The following CHD2 variants were observed in gnomAD, a reference collection of about 807,000 sequenced individuals.
The protein encoded by CHD2 is ATP-dependent chromatin remodeler CHD2.
A neutral mutation model predicts 243.9 loss-of-function variants in CHD2; 28 were observed. The ratio of observed to expected loss-of-function variants is 0.11; its 90% confidence interval spans 0.09 to 0.16. The LOEUF is 0.16. CHD2 is among the 10% of genes least tolerant of loss of function. CHD2 has a pLI of 1.00. For synonymous variants in CHD2, 775 were observed against 779.0 expected (o/e 0.99, Z 0.09); for missense variants, 1,386 against 2,209.8 (o/e 0.63, Z 7.47).
Position 93,008,954 on chromosome 15 carries a change from C to A in CHD2, c.4414-191C>A, listed in dbSNP as rs559742466. Among the ~76,000 whole-genome samples the A allele has an allele frequency of 3.3e-5, 5 of 152,262 alleles. No homozygotes were observed. The South Asian group carries it at 6.2e-4, about 19-fold the overall frequency. Reference sequence around the variant, plus strand: ...TATCACATAACTCTAAGCGATGGTGCTGGCACTGCACTTCAGGGTTTTCTG... The same window carrying A: ...TATCACATAACTCTAAGCGATGGTGATGGCACTGCACTTCAGGGTTTTCTG... On this transcript the variant is annotated intron_variant, in intron 34 of 38. Transcript: ENST00000394196.
At position 92,991,532 on chromosome 15, in the gene CHD2, ATAG is replaced by A. The variant is rs1255577508; in HGVS notation, c.3455+17_3455+19del. On this transcript the variant is annotated intron_variant, in intron 27 of 38. Transcript: ENST00000394196. ...CCTCTTGAACGGTAAGTTCAGTGTAATAGTCCCTTATCTTCCTCTTTTTTGCTT... is the reference window on the plus strand; with the variant it reads ...CCTCTTGAACGGTAAGTTCAGTGTAATCCCTTATCTTCCTCTTTTTTGCTT... 1.9e-6 allele frequency: 3 copies of A among 1,584,110 alleles called. No homozygotes were observed. Among genetic ancestry groups the A allele is most frequent in the Non-Finnish European group, 8.6e-7 (1 of 1,163,068 alleles).
intron 16 of CHD2, among the ~76,000 whole-genome samples, chr15:92,961,947 T>C (rs12591615): frequency 0.065 from 9,230 of 142,038 alleles, 406 homozygotes; most frequent in South Asian, 0.12. Context: ...CAGGGTGCGA[T>C]CTCGGCTCAC....
chr15:92,993,069 C>T (rs753623343), intron 28 of CHD2, 71 bp downstream of exon 28: 12 of 1,555,818 alleles, frequency 7.7e-6, no homozygotes, highest in Admixed American at 1.7e-5. Flanking sequence ...TGCTAAAGGG[C>T]GTTTTAAGGA....
intron 24 of CHD2, 99 bp downstream of exon 24, chr15:92,981,556 C>T (rs1313104068): frequency 2.3e-6 from 2 of 870,756 alleles, no homozygotes; most frequent in East Asian, 5.3e-5. Context: ...CTGCTTTTCT[C>T]TTTACCTGAA....
Position 92,967,485 on chromosome 15 carries a change from A to T in CHD2, c.2161A>T (p.Met721Leu). ...AGTGGAACAGATTCTCAGGGTGGAG[A>T]TGTCAGCCCTTCAGAAACAGTATTA... ...AKVEQILRVE[M>L]SALQKQYYKW... is the part of the protein sequence containing the mutation. The change falls in exon 17 of 39, where the codon ATG becomes TTG. Residue 721 changes from methionine (M) to leucine (L), a missense_variant. Physicochemically the swap from Met to Leu is conservative, Grantham distance 15. Transcript: ENST00000394196. 1 of 1,613,808 alleles carries T rather than the reference A, an allele frequency of 6.2e-7. No individual in the cohort carries two copies.
At chr15:92,989,144 G>T (rs943904346) in intron 26 of CHD2, among the ~76,000 whole-genome samples, 3 of 147,788 alleles carry the variant, frequency 2.0e-5, no homozygotes, top group African/African-American at 7.5e-5. Context: ...TGATTCTCCT[G>T]CCTCAGCCTC....
intron 13 of CHD2, among the ~76,000 whole-genome samples, chr15:92,950,790 C>T (rs1030921900): frequency 5.3e-5 from 8 of 151,832 alleles, no homozygotes; most frequent in Non-Finnish European, 1.2e-4. Flanking sequence ...AATATTTTTC[C>T]CCTCATTGCT....
At position 92,997,321 on chromosome 15, in the gene CHD2, G is replaced by A. The variant is rs1410226460; in HGVS notation, c.3803G>A (p.Arg1268His). 2.5e-6 allele frequency: 4 copies of A among 1,613,628 alleles called. No homozygotes were observed. Among genetic ancestry groups the A allele is most frequent in the Admixed American group, 1.7e-5 (1 of 59,910 alleles). The change falls in exon 30 of 39, where the codon CGC becomes CAC. Residue 1268 changes from arginine (R) to histidine (H), a missense_variant. Physicochemically the swap from Arg to His is conservative, Grantham distance 29. Coordinates refer to ENST00000394196, the MANE Select transcript of CHD2 (RefSeq NM_001271.4). This position sits in a 1 kb window ranked among gnomAD's most constrained non-coding sequence, Gnocchi z 4.1. ...GAGTGGGGGGTGGAAGATGATTCTC[G>A]CCTGTTGCTGGGGATTTATGAACAT... Reference protein sequence around the residue: ...DVEWGVEDDSRLLLGIYEHGY... With the variant: ...DVEWGVEDDSHLLLGIYEHGY...
Position 92,906,817 on chromosome 15 carries a change from C to G in CHD2, c.62+5518C>G, listed in dbSNP as rs994721671. On this transcript the variant is annotated intron_variant, in intron 2 of 38. Coordinates refer to ENST00000394196, the MANE Select transcript of CHD2 (RefSeq NM_001271.4). ...AATTCCTCTAAGAGTATTTTGTGTA[C>G]AGGTGAAAGTAACTTTGTGGCTTGG... is the stretch of plus-strand genomic sequence containing the variant. Among the ~76,000 whole-genome samples the G allele has an allele frequency of 2.0e-5, 3 of 152,080 alleles. No homozygotes were observed. In the South Asian group the frequency reaches 6.2e-4, roughly 31 times the overall value.
rs368407025 is a variant in CHD2 at position 92,977,037 on chromosome 15, C to T, written c.2578-1197C>T. On this transcript the variant is annotated intron_variant, in intron 20 of 38. Coordinates refer to ENST00000394196, the MANE Select transcript of CHD2 (RefSeq NM_001271.4). ...TTTTCAACTTGATCATAGATGCAGA[C>T]GACATATTATAATCCACGTTATCCT... 1.6e-4 allele frequency among the ~76,000 whole-genome samples: 24 copies of T among 151,940 alleles called. 1 individual carries two copies. Among genetic ancestry groups the T allele is most frequent in the South Asian group, 8.3e-4 (4 of 4,808 alleles).
intron 2 of CHD2, chr15:92,904,693 T>G (rs956346843): frequency 2.2e-6 from 3 of 1,369,638 alleles, no homozygotes; most frequent in Middle Eastern, 2.3e-4. Flanking sequence ...TTTATAAATT[T>G]TAAAGGCACT....
chr15:92,936,355 A>G lies in CHD2; in HGVS notation c.444-1163A>G, dbSNP rs193081957. On this transcript the variant is annotated intron_variant, in intron 5 of 38. Coordinates refer to ENST00000394196, the MANE Select transcript of CHD2 (RefSeq NM_001271.4). The stretch of plus-strand genomic sequence containing the variant: ...AAAGTGACCCATAGGCAAATTGGTA[A>G]TTGTTTGATTTACAGAGAAGCCCCA... 1.1e-4 allele frequency among the ~76,000 whole-genome samples: 17 copies of G among 152,302 alleles called. No homozygotes were observed. In the East Asian group the frequency reaches 3.3e-3, roughly 29 times the overall value.
chr15:92,997,517 G>T lies in CHD2; in HGVS notation c.3885+114G>T. On this transcript the variant is annotated intron_variant, in intron 30 of 38. Coordinates refer to ENST00000394196, the MANE Select transcript of CHD2 (RefSeq NM_001271.4). This position sits in a 1 kb window ranked among gnomAD's most constrained non-coding sequence, Gnocchi z 4.1. Reference sequence around the variant, plus strand: ...GGGCATCAAATTAGAAATTAGTATAGTCATTCTTGGAAATACTTCCATCTT... The same window carrying T: ...GGGCATCAAATTAGAAATTAGTATATTCATTCTTGGAAATACTTCCATCTT... 1 of 929,354 alleles carries T rather than the reference G, an allele frequency of 1.1e-6. No individual in the cohort carries two copies. The highest frequency in any genetic ancestry group is 1.5e-6 in the Non-Finnish European group (1 of 658,044). 57.6% of individuals were successfully genotyped at this position (929,354 alleles called of 1,614,324 possible).
intron 32 of CHD2, among the ~76,000 whole-genome samples, chr15:93,001,627 C>T (rs1040558605): frequency 6.6e-6 from 1 of 152,138 alleles, no homozygotes; most frequent in East Asian, 1.9e-4. Flanking sequence ...AGTGATTCTC[C>T]TGCCGCAGCC....
Position 92,953,457 on chromosome 15 carries a change from C to G in CHD2, c.1603C>G (p.Pro535Ala), listed in dbSNP as rs765118718. Reference sequence around the variant, plus strand: ...GTTCCACCAACACCAGCTGTATGGCCCCTTTCTTATAGTCGTCCCTTTATC... The same window carrying G: ...GTTCCACCAACACCAGCTGTATGGCGCCTTTCTTATAGTCGTCCCTTTATC... ...YLFHQHQLYG[P>A]FLIVVPLSTL... The change falls in exon 14 of 39, where the codon CCC becomes GCC. Residue 535 changes from proline to alanine, a missense_variant. Coordinates refer to ENST00000394196, the MANE Select transcript of CHD2 (RefSeq NM_001271.4). 1 of 1,614,092 alleles carries G rather than the reference C, an allele frequency of 6.2e-7. No homozygotes were observed. Among genetic ancestry groups the G allele is most frequent in the Admixed American group, 1.7e-5 (1 of 60,014 alleles).
chr15:92,902,159 G>A (rs1374902524), intron 2 of CHD2: 1 of 397,748 alleles, frequency 2.5e-6, no homozygotes, highest in African/African-American at 2.1e-5. Flanking sequence ...TAAATTTATT[G>A]ATGTATTTCG....
chr15:92,941,400 C>T (rs1299243372), intron 7 of CHD2, among the ~76,000 whole-genome samples: 1 of 152,040 alleles, frequency 6.6e-6, no homozygotes, highest in East Asian at 1.9e-4. Flanking sequence ...ACAGGGTTGA[C>T]ATTTTTAATT....
intron 3 of CHD2, 51 bp downstream of exon 3, chr15:92,924,603 A>G (rs946516494): frequency 2.0e-6 from 3 of 1,508,448 alleles, no homozygotes; most frequent in African/African-American, 1.4e-5. Flanking sequence ...AGGACAAGCT[A>G]GCAGACCTTT....
intron 2 of CHD2, among the ~76,000 whole-genome samples, chr15:92,910,702 G>A (rs967996904): frequency 1.3e-5 from 2 of 152,084 alleles, no homozygotes; most frequent in African/African-American, 2.4e-5. Flanking sequence ...GGTCCCTGCC[G>A]AGCATTTACT....
Sources: allele counts gnomAD v4.1 joint callset (sites outside exome capture counted in the v4.1 genomes callset), GRCh38; gene constraint gnomAD v4.1.1; non-coding constraint Gnocchi (gnomAD v3.1); transcripts MANE v1.5; gene names NCBI Gene and HGNC (gene_info 2026-07-23, HGNC 2026-07-21).